Variants in ST8SIA6 observed in about 807,000 individuals in gnomAD.
ST8SIA6 encodes the protein ST8 alpha-N-acetyl-neuraminide alpha-2,8-sialyltransferase 6, also known as alpha-2,8-sialyltransferase 8F.
In ST8SIA6, 39 loss-of-function variants were observed where a neutral mutation model predicts 33.6. The ratio of observed to expected loss-of-function variants is 1.16; its 90% CI spans 0.90 to 1.52. ST8SIA6 has a LOEUF of 1.52. Among genes scored for constraint, ST8SIA6 ranks in the 40% most tolerant of loss-of-function variants. The pLI is 0.00. For missense variants in ST8SIA6, 441 were observed against 443.8 expected, an observed-to-expected ratio of 0.99 and a Z score of 0.06; for synonymous variants, 172 against 167.2, an observed-to-expected ratio of 1.03 and a Z score of -0.22.
chr10:17,392,759 C>T (rs531139111), intron 2 of ST8SIA6, among the ~76,000 whole-genome samples: 35 of 152,234 alleles, frequency 2.3e-4, no homozygotes, highest in Non-Finnish European at 5.9e-5. Context: ...GTGATAACAA[C>T]GTCAAGCTCT....
chr10:17,364,947 C>T (rs1193147890), intron 3 of ST8SIA6, among the ~76,000 whole-genome samples: 7 of 152,190 alleles, frequency 4.6e-5, no homozygotes, highest in African/African-American at 1.7e-4. Flanking sequence ...AGATAAACAG[C>T]TTGCTCAATA....
chr10:17,414,938 C>A (rs908321170), intron 2 of ST8SIA6, among the ~76,000 whole-genome samples: 1 of 152,072 alleles, frequency 6.6e-6, no homozygotes, highest in African/African-American at 2.4e-5. Context: ...CATCAAAAAT[C>A]AGTAACCCCC....
At chr10:17,407,888 C>T (rs1851325282) in intron 2 of ST8SIA6, 1 of 152,438 alleles carries the variant, frequency 6.6e-6, no homozygotes, top group African/African-American at 2.4e-5. Context: ...GTGGGAAAAG[C>T]AGTGAGTCCA....
At chr10:17,428,561 C>G (rs1852005720) in intron 2 of ST8SIA6, among the ~76,000 whole-genome samples, 2 of 151,852 alleles carry the variant, frequency 1.3e-5, no homozygotes. Flanking sequence ...AGAGGAGAGG[C>G]CGTTGGAAGG....
intron 5 of ST8SIA6, among the ~76,000 whole-genome samples, chr10:17,330,974 C>A (rs986526952): frequency 6.6e-6 from 1 of 152,098 alleles, no homozygotes; most frequent in African/African-American, 2.4e-5. Flanking sequence ...ATGGTGGGTA[C>A]GTTTATTGAC....
chr10:17,372,061 T>C (rs1380869586), intron 3 of ST8SIA6, among the ~76,000 whole-genome samples: 1 of 152,104 alleles, frequency 6.6e-6, no homozygotes, highest in Admixed American at 6.6e-5. Context: ...AGTAGTTGCT[T>C]TGTATTTCTG....
intron 2 of ST8SIA6, among the ~76,000 whole-genome samples, chr10:17,403,308 G>A (rs763990651): frequency 1.3e-5 from 2 of 152,202 alleles, no homozygotes; most frequent in South Asian, 2.1e-4. Context: ...GTCTTTAGGC[G>A]AGTAGAGAGA....
Position 17,318,222 on chromosome 10 carries a change from T to A in ST8SIA6, c.*2656A>T, listed in dbSNP as rs955211029. Among the ~76,000 whole-genome samples, 4 of 152,016 alleles carry A rather than the reference T, an allele frequency of 2.6e-5. No homozygotes were observed. The highest frequency in any genetic ancestry group is 7.3e-5 in the African/African-American group (3 of 41,374). On this transcript the variant is annotated 3_prime_UTR_variant, in exon 8 of 8. Transcript: ENST00000377602. ...ATCCTAACTAAAGGGCTACTTTTTT[T>A]TTTTCTTTTTTGAGACAGGGTCTCA... is the stretch of plus-strand genomic sequence containing the variant.
In ST8SIA6 at chr10:17,321,356, T is replaced by G. The variant is rs748167866; in HGVS notation, c.729-10A>C. The G allele has an allele frequency of 5.8e-6, 9 of 1,563,494 alleles. No homozygotes were observed. The highest frequency in any genetic ancestry group is 1.7e-4 in the Middle Eastern group (1 of 5,814). Reference sequence around the variant, plus strand: ...CTTTAAGTTCCCATATCTGCCAAATTAAAAAAAAATTATAGTAATCCCAAG... The same window carrying G: ...CTTTAAGTTCCCATATCTGCCAAATGAAAAAAAAATTATAGTAATCCCAAG... On this transcript the variant is annotated splice_polypyrimidine_tract_variant and intron_variant, in intron 7 of 7. Transcript: ENST00000377602.
chr10:17,402,935 TAAC>T (rs369243884), intron 2 of ST8SIA6, among the ~76,000 whole-genome samples: 4 of 152,082 alleles, frequency 2.6e-5, no homozygotes, highest in African/African-American at 7.2e-5. Context: ...TAATAAAAAA[TAAC>T]AACAACAAAA....
At chr10:17,341,924 AAAAG>A (rs1199884905) in intron 4 of ST8SIA6, among the ~76,000 whole-genome samples, 4 of 150,122 alleles carry the variant, frequency 2.7e-5, no homozygotes, top group East Asian at 1.9e-4. Flanking sequence ...AAAAAAAACA[AAAAG>A]AAAGAAAGAA....
intron 3 of ST8SIA6, among the ~76,000 whole-genome samples, chr10:17,368,002 T>C (rs967871095): frequency 1.3e-5 from 2 of 152,130 alleles, no homozygotes; most frequent in Non-Finnish European, 2.9e-5. Flanking sequence ...ACAGCACTTA[T>C]CCTTTTATTT....
chr10:17,404,852 G>A (rs905852578), intron 2 of ST8SIA6, among the ~76,000 whole-genome samples: 3 of 152,080 alleles, frequency 2.0e-5, no homozygotes, highest in South Asian at 2.1e-4. Context: ...CTGTTTTAAC[G>A]AGTGTCATGA....
At chr10:17,362,893 A>T (rs1292300601) in intron 3 of ST8SIA6, among the ~76,000 whole-genome samples, 1 of 151,858 alleles carries the variant, frequency 6.6e-6, no homozygotes, top group African/African-American at 2.4e-5. Context: ...TGTATTTTTA[A>T]TAGAGACGAG....
At chr10:17,331,980 C>T (rs1264943553) in intron 4 of ST8SIA6, among the ~76,000 whole-genome samples, 1 of 152,038 alleles carries the variant, frequency 6.6e-6, no homozygotes, top group East Asian at 1.9e-4. Context: ...TGAGATGTTC[C>T]CCTCTCTGTG....
chr10:17,334,594 A>T (rs1298858652), intron 4 of ST8SIA6, among the ~76,000 whole-genome samples: 4 of 151,284 alleles, frequency 2.6e-5, no homozygotes, highest in African/African-American at 9.7e-5. Flanking sequence ...AAACTAAGTT[A>T]AGAACAGTAT....
intron 6 of ST8SIA6, among the ~76,000 whole-genome samples, chr10:17,324,851 GTATAT>G (rs1429445296): frequency 7.0e-5 from 10 of 143,842 alleles, no homozygotes; most frequent in Non-Finnish European, 1.2e-4. Context: ...TGTAATATTA[GTATAT>G]TATATAATAT....
At chr10:17,326,161 T>G (rs1019600218) in intron 6 of ST8SIA6, among the ~76,000 whole-genome samples, 1 of 152,068 alleles carries the variant, frequency 6.6e-6, no homozygotes, top group Non-Finnish European at 1.5e-5. Context: ...GAGATTGAAA[T>G]TGGGAGGGAG....
intron 2 of ST8SIA6, chr10:17,410,332 G>T (rs1390980189): frequency 6.6e-6 from 1 of 152,148 alleles, no homozygotes; most frequent in Non-Finnish European, 1.5e-5. Context: ...TTATAAATGA[G>T]GCAAAGGCCT....
Sources: allele counts gnomAD v4.1 joint callset (sites outside exome capture counted in the v4.1 genomes callset), GRCh38; gene constraint gnomAD v4.1.1; transcripts MANE v1.5; gene names NCBI Gene and HGNC (gene_info 2026-07-23, HGNC 2026-07-21).